MTMR3: variants seen among roughly 807,000 people sequenced by gnomAD.
MTMR3 encodes myotubularin related protein 3.
In MTMR3, 32 loss-of-function variants were observed where a neutral mutation model predicts 132.4. The ratio of observed to expected loss-of-function variants is 0.24; its 90% CI spans 0.18 to 0.32. MTMR3 has a LOEUF of 0.32. MTMR3 is among the 10% of genes least tolerant of loss of function. MTMR3 has a pLI of 1.00. For missense variants in MTMR3, 1,216 were observed against 1,489.6 expected (o/e 0.82, Z 3.02); for synonymous variants, 556 against 550.3 (o/e 1.01, Z -0.14).
chr22:29,926,404 G>A (rs2145780076), intron 1 of MTMR3, among the ~76,000 whole-genome samples: 1 of 152,252 alleles, frequency 6.6e-6, no homozygotes, highest in African/African-American at 2.4e-5. Flanking sequence ...TATATACCTA[G>A]GAGTGAAATG....
At chr22:29,991,768 C>T (rs2066966067) in intron 7 of MTMR3, 98 bp downstream of exon 7, 11 of 1,275,828 alleles carry the variant, frequency 8.6e-6, no homozygotes, top group Non-Finnish European at 1.2e-5. Context: ...ATTCATATAT[C>T]AATCAGTGTA....
intron 1 of MTMR3, among the ~76,000 whole-genome samples, chr22:29,888,768 C>CTT (rs3049983): frequency 0.023 from 2,304 of 101,794 alleles, 77 homozygotes; most frequent in South Asian, 0.031. Flanking sequence ...TTAGTTAATA[C>CTT]TTTTTTTTTT....
At chr22:30,009,692 T>C (rs1034756713) in intron 12 of MTMR3, 4 of 152,552 alleles carry the variant, frequency 2.6e-5, no homozygotes, top group African/African-American at 9.6e-5. Flanking sequence ...GCATTTGCAG[T>C]GAGGAAGGTG....
chr22:29,979,139 A>G, intron 5 of MTMR3, 87 bp downstream of exon 5: 1 of 888,432 alleles, frequency 1.1e-6, no homozygotes, highest in Non-Finnish European at 1.9e-6. Context: ...GGAGAGGCAT[A>G]CAGAATTGGG....
intron 15 of MTMR3, chr22:30,017,356 T>C (rs1256624827): frequency 6.5e-6 from 1 of 154,200 alleles, no homozygotes; most frequent in Admixed American, 6.5e-5. Context: ...CATACTGATT[T>C]CCTGGACTAT....
intron 17 of MTMR3, chr22:30,021,205 T>A (rs2067739500): frequency 8.7e-6 from 3 of 343,322 alleles, no homozygotes; most frequent in African/African-American, 2.0e-5. Flanking sequence ...ATGGGCAGAA[T>A]GACATCTGTA....
chr22:30,020,329 C>A lies in MTMR3; in HGVS notation c.2670C>A (p.Val890=), dbSNP rs759270244. The A allele has an allele frequency of 6.2e-7, 1 of 1,614,170 alleles. No individual in the cohort carries two copies. The stretch of plus-strand genomic sequence containing the variant: ...CCAGCCCTTCAGAGACAAGCCTGGT[C>A]GAGAGGCCCCAAGTGGGGTCTGTGG... The part of the protein sequence containing the change: ...MEPSPSETSL[V]ERPQVGSVVH... Residue 890 remains valine (V), a synonymous_variant, in exon 17 of 20, where the codon GTC becomes GTA. Coordinates refer to ENST00000401950, the MANE Select transcript of MTMR3 (RefSeq NM_021090.4).
chr22:29,911,083 A>G (rs2065202569), intron 1 of MTMR3, among the ~76,000 whole-genome samples: 1 of 152,190 alleles, frequency 6.6e-6, no homozygotes, highest in Non-Finnish European at 1.5e-5. Flanking sequence ...TACCCCAGGC[A>G]GGAGGTCTGT....
Position 29,927,939 on chromosome 22 carries a change from G to T in MTMR3, c.-137-29097G>T, listed in dbSNP as rs367951015. On this transcript the variant is annotated intron_variant, in intron 1 of 19. Coordinates refer to ENST00000401950, the MANE Select transcript of MTMR3 (RefSeq NM_021090.4). ...TGTAATGCTAAAATCTCTAGCCTTT[G>T]TTTTTTTTTTTTTTTTTTTGAGACG... 8.6e-3 allele frequency among the ~76,000 whole-genome samples: 925 copies of T among 106,974 alleles called. 7 individuals are homozygous for T. The highest frequency in any genetic ancestry group is 0.02 in the African/African-American group (564 of 28,178). 70.2% of individuals were successfully genotyped at this position (106,974 alleles called of 152,430 possible).
chr22:29,909,469 T>C (rs1210103629), intron 1 of MTMR3, among the ~76,000 whole-genome samples: 3 of 152,202 alleles, frequency 2.0e-5, no homozygotes, highest in Non-Finnish European at 2.9e-5. Context: ...AATTATTTAT[T>C]AGCTAGCTTT....
chr22:30,013,139 C>A, intron 13 of MTMR3: 1 of 399,448 alleles, frequency 2.5e-6, no homozygotes. Flanking sequence ...TAAACGCAGT[C>A]AGTACCATTT....
chr22:29,972,332 G>A (rs1011877126), intron 3 of MTMR3, among the ~76,000 whole-genome samples: 2 of 152,138 alleles, frequency 1.3e-5, no homozygotes, highest in African/African-American at 4.8e-5. Context: ...TAGTAACAGT[G>A]TGGTCCTCTT....
At chr22:29,887,032 G>C (rs1444786637) in intron 1 of MTMR3, among the ~76,000 whole-genome samples, 2 of 152,174 alleles carry the variant, frequency 1.3e-5, no homozygotes, top group Non-Finnish European at 2.9e-5. Flanking sequence ...AGAACTCCCA[G>C]TAACTTTAGA....
At chr22:29,957,774 T>G (rs1401709273) in intron 2 of MTMR3, among the ~76,000 whole-genome samples, 1 of 152,180 alleles carries the variant, frequency 6.6e-6, no homozygotes, top group Non-Finnish European at 1.5e-5. Flanking sequence ...AGTTCAGCAG[T>G]TCCCCCTTAC....
At position 29,906,772 on chromosome 22, in the gene MTMR3, T is replaced by A. The variant is rs918935228; in HGVS notation, c.-138+23413T>A. Reference sequence around the variant, plus strand: ...CCCCCTTTCCCCATTCTGAACATTGTTTCACCTTATAAAAATTAAAAATTT... The same window carrying A: ...CCCCCTTTCCCCATTCTGAACATTGATTCACCTTATAAAAATTAAAAATTT... On this transcript the variant is annotated intron_variant, in intron 1 of 19. Coordinates refer to ENST00000401950, the MANE Select transcript of MTMR3 (RefSeq NM_021090.4). Among the ~76,000 whole-genome samples the A allele has an allele frequency of 2.6e-5, 4 of 152,182 alleles. No homozygotes were observed. In the East Asian group the frequency reaches 7.7e-4, roughly 29 times the overall value.
chr22:29,976,417 G>C (rs978234306), intron 3 of MTMR3, among the ~76,000 whole-genome samples: 2 of 152,042 alleles, frequency 1.3e-5, no homozygotes, highest in Non-Finnish European at 2.9e-5. Flanking sequence ...AAAATGGCTA[G>C]TTCATCTCTT....
At chr22:29,933,870 T>C (rs1199961099) in intron 1 of MTMR3, among the ~76,000 whole-genome samples, 1 of 152,104 alleles carries the variant, frequency 6.6e-6, no homozygotes, top group Non-Finnish European at 1.5e-5. Context: ...TGTGCCTGGC[T>C]AAAGTAGGCA....
chr22:29,938,212 G>A (rs990269911), intron 1 of MTMR3, among the ~76,000 whole-genome samples: 6 of 152,144 alleles, frequency 3.9e-5, no homozygotes, highest in African/African-American at 1.2e-4. Context: ...CTGAGAAATC[G>A]TAACTGTTTT....
At chr22:29,911,320 G>A (rs938393963) in intron 1 of MTMR3, among the ~76,000 whole-genome samples, 5 of 152,140 alleles carry the variant, frequency 3.3e-5, no homozygotes, top group African/African-American at 9.7e-5. Context: ...GAGGCAAGAC[G>A]ATTGCTTGAG....
Sources: gnomAD v4.1 joint callset for allele counts (sites outside exome capture counted in the v4.1 genomes callset) on GRCh38, gnomAD v4.1.1 for gene constraint, MANE v1.5 for transcripts, NCBI Gene and HGNC (gene_info 2026-07-23, HGNC 2026-07-21) for gene names.